Variants in GDPD1 observed in about 807,000 individuals in gnomAD.
GDPD1 encodes the protein glycerophosphodiester phosphodiesterase domain containing 1.
In GDPD1, 28 loss-of-function variants were observed where a neutral mutation model predicts 45.1. The ratio of observed to expected loss-of-function variants is 0.62; its 90% CI spans 0.46 to 0.85. The LOEUF is 0.85. Among genes scored for constraint, GDPD1 ranks in the 40% least tolerant of loss-of-function variants. GDPD1 has a pLI of 0.00. For synonymous variants in GDPD1, 139 were observed against 131.4 expected (o/e 1.06, Z -0.40); for missense variants, 256 against 364.8 (o/e 0.70, Z 2.43).
chr17:59,227,766 T>C (rs2047058780), intron 1 of GDPD1, among the ~76,000 whole-genome samples: 1 of 152,202 alleles, frequency 6.6e-6, no homozygotes. Context: ...TCTATAAAAG[T>C]TGATTTAAAA....
intron 1 of GDPD1, among the ~76,000 whole-genome samples, chr17:59,222,912 TA>T (rs2047017735): frequency 5.3e-5 from 8 of 152,190 alleles, no homozygotes; most frequent in Admixed American, 5.2e-4. Flanking sequence ...GTATGCTTAC[TA>T]AAAACTCCAA....
At chr17:59,230,156 G>A (rs935210903) in intron 1 of GDPD1, among the ~76,000 whole-genome samples, 24 of 151,998 alleles carry the variant, frequency 1.6e-4, no homozygotes, top group African/African-American at 5.1e-4. Context: ...ACCTTACAGA[G>A]GATATGGTAT....
intron 2 of GDPD1, among the ~76,000 whole-genome samples, chr17:59,240,084 A>T (rs1031968055): frequency 6.6e-6 from 1 of 152,126 alleles, no homozygotes; most frequent in Admixed American, 6.6e-5. Flanking sequence ...GGAGGGCAGG[A>T]GTTCGAGACC....
chr17:59,239,878 G>A (rs2047162212), intron 2 of GDPD1, among the ~76,000 whole-genome samples: 2 of 151,544 alleles, frequency 1.3e-5, no homozygotes, highest in African/African-American at 4.8e-5. Context: ...GGACTACAGG[G>A]CATGCCTCCA....
At chr17:59,225,564 A>G (rs1386462932) in intron 1 of GDPD1, among the ~76,000 whole-genome samples, 1 of 151,814 alleles carries the variant, frequency 6.6e-6, no homozygotes, top group Admixed American at 6.6e-5. Flanking sequence ...ATAATTAATA[A>G]GAGGCCACCC....
At chr17:59,226,973 G>A (rs372895528) in intron 1 of GDPD1, among the ~76,000 whole-genome samples, 41 of 151,436 alleles carry the variant, frequency 2.7e-4, no homozygotes, top group Non-Finnish European at 3.7e-4. Flanking sequence ...GAACCACCGC[G>A]CCCACCCTGA....
intron 4 of GDPD1, among the ~76,000 whole-genome samples, chr17:59,252,935 A>G (rs1229637751): frequency 6.6e-6 from 1 of 152,038 alleles, no homozygotes; most frequent in Admixed American, 6.6e-5. Flanking sequence ...TGGAGATTGC[A>G]GTGAGCCGAG....
intron 1 of GDPD1, among the ~76,000 whole-genome samples, chr17:59,232,898 A>G (rs958096195): frequency 4.6e-5 from 7 of 152,064 alleles, no homozygotes; most frequent in South Asian, 4.2e-4. Flanking sequence ...AAAAAAAATA[A>G]CAGTGTATGG....
intron 7 of GDPD1, among the ~76,000 whole-genome samples, chr17:59,269,941 A>G (rs2047432128): frequency 6.6e-6 from 1 of 152,194 alleles, no homozygotes; most frequent in Non-Finnish European, 1.5e-5. Context: ...TTGTTGAAAT[A>G]CAGACATAAG....
intron 4 of GDPD1, among the ~76,000 whole-genome samples, chr17:59,253,251 C>G (rs1295558602): frequency 6.6e-6 from 1 of 152,128 alleles, no homozygotes. Context: ...TTCCTCTTTT[C>G]TTTTTGTAGT....
chr17:59,234,188 A>C (rs2047113501), intron 1 of GDPD1, among the ~76,000 whole-genome samples: 1 of 151,766 alleles, frequency 6.6e-6, no homozygotes, highest in South Asian at 2.1e-4. Flanking sequence ...TCTACTAAAA[A>C]TACAAAAAAA....
chr17:59,248,798 G>C lies in GDPD1; in HGVS notation c.367+13G>C. ...TCATTTCAAAGAGGTAATATTTTTTGTTTGTGGCTTAAACATTTGTGTTGA... is the reference window on the plus strand; with the variant it reads ...TCATTTCAAAGAGGTAATATTTTTTCTTTGTGGCTTAAACATTTGTGTTGA... On this transcript the variant is annotated intron_variant, in intron 4 of 9. Transcript: ENST00000284116. 1 of 1,585,854 alleles carries C rather than the reference G, an allele frequency of 6.3e-7. No homozygotes were observed. Among genetic ancestry groups the C allele is most frequent in the South Asian group, 1.1e-5 (1 of 87,498 alleles).
rs1568353823 is a variant in GDPD1 at position 59,274,221 on chromosome 17, TTTGGCA to T, written c.*453_*458del. 1 of 957,130 alleles carries T rather than the reference TTTGGCA, an allele frequency of 1.0e-6. No individual in the cohort carries two copies. The highest frequency in any genetic ancestry group is 1.2e-6 in the Non-Finnish European group (1 of 804,844). The allele number at this position is 957,130 out of a possible 1,614,324, so 59.3% of individuals were successfully genotyped here. On this transcript the variant is annotated 3_prime_UTR_variant, in exon 10 of 10. Coordinates refer to ENST00000284116, the MANE Select transcript of GDPD1 (RefSeq NM_182569.4). ...CTGGAATCAAAGACTATTGGATACA[TTTGGCA>T]TTGGGCTGAGTGTGGTGGCTCATGC...
Position 59,275,242 on chromosome 17 carries a change from G to T in GDPD1, c.*1469G>T. The T allele has an allele frequency of 6.7e-7, 1 of 1,485,080 alleles. No homozygotes were observed. Among genetic ancestry groups the T allele is most frequent in the South Asian group, 1.2e-5 (1 of 82,942 alleles). The allele number at this position is 1,485,080 out of a possible 1,614,324, so 92.0% of individuals were successfully genotyped here. ...GGAAAAATAAAACGGAAAAAAGCTT[G>T]GAAATCAGTGATGTGTAGTTATTTG... On this transcript the variant is annotated 3_prime_UTR_variant, in exon 10 of 10. Transcript: ENST00000284116.
intron 1 of GDPD1, among the ~76,000 whole-genome samples, chr17:59,229,581 C>T (rs748558104): frequency 2.5e-4 from 37 of 150,880 alleles, no homozygotes; most frequent in Admixed American, 3.3e-4. Flanking sequence ...AGGTGGGTCT[C>T]GAACTCCTGG....
chr17:59,253,927 A>T, intron 4 of GDPD1, among the ~76,000 whole-genome samples: 1 of 152,078 alleles, frequency 6.6e-6, no homozygotes, highest in Non-Finnish European at 1.5e-5. Context: ...GGAAGGAAGA[A>T]TGTTGGGTAG....
chr17:59,228,407 T>C (rs1300840183), intron 1 of GDPD1, among the ~76,000 whole-genome samples: 1 of 151,996 alleles, frequency 6.6e-6, no homozygotes, highest in Non-Finnish European at 1.5e-5. Context: ...TTCATGGGAA[T>C]GGGAGGAGAG....
At position 59,220,647 on chromosome 17, in the gene GDPD1, TAGG is replaced by T. The variant is rs1172243089; in HGVS notation, c.43_45del (p.Gly15del). On this transcript the variant is annotated inframe_deletion, in exon 1 of 10. Coordinates refer to ENST00000284116, the MANE Select transcript of GDPD1 (RefSeq NM_182569.4). ...GCGGCTTTTTACCTTCTCTCTACGC[TAGG>T]AGGATACTTGGTGACCTCATTCTTG... 1 of 1,614,060 alleles carries T rather than the reference TAGG, an allele frequency of 6.2e-7. No homozygotes were observed. Among genetic ancestry groups the T allele is most frequent in the Non-Finnish European group, 8.5e-7 (1 of 1,179,968 alleles).
At chr17:59,230,444 G>A (rs1010156763) in intron 1 of GDPD1, among the ~76,000 whole-genome samples, 17 of 143,162 alleles carry the variant, frequency 1.2e-4, no homozygotes, top group African/African-American at 4.0e-4. Context: ...GTGCAATGGC[G>A]CGATCTTGGC....
Sources: gnomAD v4.1 joint callset for allele counts (sites outside exome capture counted in the v4.1 genomes callset) on GRCh38, gnomAD v4.1.1 for gene constraint, MANE v1.5 for transcripts, NCBI Gene and HGNC (gene_info 2026-07-23, HGNC 2026-07-21) for gene names.